NETO1: variants seen among roughly 807,000 people sequenced by gnomAD.
NETO1 encodes neuropilin and tolloid like 1, also known as neuropilin and tolloid-like protein 1.
NETO1 carries 26 observed loss-of-function variants against 61.3 expected under a neutral mutation model. That is an observed-to-expected ratio of 0.42 (90% confidence interval 0.31 to 0.59). NETO1 has a LOEUF of 0.59. Among genes scored for constraint, NETO1 ranks in the 20% least tolerant of loss-of-function variants. The probability of loss-of-function intolerance (pLI) is 0.12; values close to 1 mark genes in which losing one functional copy is unlikely to be tolerated. For synonymous variants in NETO1, 225 were observed against 225.8 expected (o/e 1.00, Z 0.03); for missense variants, 531 against 662.8 (o/e 0.80, Z 2.18).
At chr18:72,807,415 T>C (rs1360284135) in intron 4 of NETO1, among the ~76,000 whole-genome samples, 1 of 152,180 alleles carries the variant, frequency 6.6e-6, no homozygotes, top group Admixed American at 6.5e-5. Flanking sequence ...TTTGTTCCCT[T>C]ATTTTATTTA....
At chr18:72,742,783 T>A (rs574569483), downstream of NETO1, 1 of 152,240 alleles carries the variant, frequency 6.6e-6, no homozygotes, top group East Asian at 1.9e-4. Flanking sequence ...GTACAATAAA[T>A]AACAACAAAT....
chr18:72,813,694 A>C (rs552926172), intron 4 of NETO1, among the ~76,000 whole-genome samples: 1 of 152,302 alleles, frequency 6.6e-6, no homozygotes. Flanking sequence ...TAATAAGACT[A>C]TAAAGGATGC....
At chr18:72,791,058 T>C (rs562274889) in intron 6 of NETO1, among the ~76,000 whole-genome samples, 3 of 152,166 alleles carry the variant, frequency 2.0e-5, no homozygotes, top group Non-Finnish European at 4.4e-5. Flanking sequence ...TGACTCAGTT[T>C]ATTCATCTTT....
chr18:72,825,105 TGATGTTATAACATGATTAGCAA>T (rs1568230901), intron 4 of NETO1, among the ~76,000 whole-genome samples: 2 of 152,120 alleles, frequency 1.3e-5, no homozygotes, highest in African/African-American at 4.8e-5. Context: ...ATTTAGGATA[TGATGTTATAACATGATTAGCAA>T]GAGTTAGTCC....
chr18:72,760,716 T>A (rs571494961), intron 7 of NETO1, among the ~76,000 whole-genome samples: 33 of 152,266 alleles, frequency 2.2e-4, no homozygotes, highest in African/African-American at 7.9e-4. Context: ...ATGCACAGAA[T>A]GCCGTATAGT....
chr18:72,853,098 G>C (rs965832352), intron 4 of NETO1, among the ~76,000 whole-genome samples: 1 of 152,084 alleles, frequency 6.6e-6, no homozygotes, highest in Admixed American at 6.5e-5. Context: ...GCCTCCCAAA[G>C]TGCTGGGATT....
chr18:72,855,972 A>G (rs2145619113), intron 4 of NETO1, among the ~76,000 whole-genome samples: 1 of 152,344 alleles, frequency 6.6e-6, no homozygotes. Context: ...GTTTGCTTGC[A>G]GGAAGAAATG....
chr18:72,814,470 A>G (rs2072966510), intron 4 of NETO1, among the ~76,000 whole-genome samples: 1 of 152,074 alleles, frequency 6.6e-6, no homozygotes, highest in African/African-American at 2.4e-5. Context: ...AGAAACTAAA[A>G]AAGAAAAAAA....
chr18:72,770,405 T>C (rs1285782734), intron 7 of NETO1, among the ~76,000 whole-genome samples: 1 of 152,124 alleles, frequency 6.6e-6, no homozygotes, highest in African/African-American at 2.4e-5. Flanking sequence ...TATTTGAATA[T>C]GGTGATTTTT....
chr18:72,827,380 A>C lies in NETO1; in HGVS notation c.469+31446T>G, dbSNP rs529829490. Among the ~76,000 whole-genome samples the C allele has an allele frequency of 9.2e-5, 14 of 152,238 alleles. 1 individual carries two copies. The South Asian group carries it at 2.9e-3, about 32-fold the overall frequency. On this transcript the variant is annotated intron_variant, in intron 4 of 10. Transcript: ENST00000327305. ...GCAGAATGACCCTCCAGCCCCAAAC[A>C]ACCATATGGCCATACGTGGAGCCCC...
intron 7 of NETO1, among the ~76,000 whole-genome samples, chr18:72,780,787 GAAC>G (rs1195153568): frequency 1.3e-5 from 2 of 152,006 alleles, no homozygotes; most frequent in African/African-American, 4.8e-5. Flanking sequence ...ATCACATTTT[GAAC>G]AACAATAAAT....
intron 4 of NETO1, among the ~76,000 whole-genome samples, chr18:72,808,711 A>G (rs984922808): frequency 2.0e-5 from 3 of 152,232 alleles, no homozygotes; most frequent in African/African-American, 7.2e-5. Flanking sequence ...CTTCAAGACA[A>G]GACCTTTTGT....
At chr18:72,792,440 C>A (rs73469701) in intron 6 of NETO1, among the ~76,000 whole-genome samples, 1 of 151,748 alleles carries the variant, frequency 6.6e-6, no homozygotes, top group African/African-American at 2.4e-5. Flanking sequence ...AAATAAAAAA[C>A]AACAAAAACG....
chr18:72,770,426 T>TA (rs1268343533), intron 7 of NETO1, among the ~76,000 whole-genome samples: 2 of 152,114 alleles, frequency 1.3e-5, no homozygotes, highest in Non-Finnish European at 2.9e-5. Flanking sequence ...TTCTTATCAA[T>TA]AGTGTGCTTT....
At chr18:72,828,145 T>C (rs757942124) in intron 4 of NETO1, among the ~76,000 whole-genome samples, 24 of 152,146 alleles carry the variant, frequency 1.6e-4, no homozygotes, top group Non-Finnish European at 2.1e-4. Context: ...AAACCCCGTC[T>C]CTACTAAATA....
rs1476905861 is a variant in NETO1, at chr18:72,767,907, C to G, written c.869-11760G>C. Among the ~76,000 whole-genome samples, 3 of 152,188 alleles carry G rather than the reference C, an allele frequency of 2.0e-5. No individual in the cohort carries two copies. The East Asian group carries it at 5.8e-4, about 29-fold the overall frequency. On this transcript the variant is annotated intron_variant, in intron 7 of 10. Coordinates refer to ENST00000327305, the MANE Select transcript of NETO1 (RefSeq NM_138966.5). The stretch of plus-strand genomic sequence containing the variant: ...TATGTTGTTATCTCACTAACGGATA[C>G]AATACTAGCCACCTTCTGCTGACCA...
At position 72,827,299 on chromosome 18, in the gene NETO1, C is replaced by T. The variant is rs150323318; in HGVS notation, c.469+31527G>A. Among the ~76,000 whole-genome samples, 401 of 152,240 alleles carry T rather than the reference C, an allele frequency of 2.6e-3. 3 individuals carry two copies. Among genetic ancestry groups the T allele is most frequent in the African/African-American group, 9.4e-3 (391 of 41,530 alleles). ...CAATGAATCTGAGAAGCAAAACACA[C>T]ATGCTGCCCCTTCCGTAGTCTCTTT... On this transcript the variant is annotated intron_variant, in intron 4 of 10. Transcript: ENST00000327305.
intron 7 of NETO1, among the ~76,000 whole-genome samples, chr18:72,776,249 C>T (rs997560513): frequency 2.0e-5 from 3 of 152,074 alleles, no homozygotes; most frequent in Admixed American, 1.3e-4. Flanking sequence ...ATCGTAGAAA[C>T]TAATCCATTC....
intron 7 of NETO1, among the ~76,000 whole-genome samples, chr18:72,766,220 A>ATGTGTGTGTG (rs34670401): frequency 1.4e-5 from 2 of 144,676 alleles, no homozygotes; most frequent in African/African-American, 2.6e-5. Flanking sequence ...AAAAAAAAAT[A>ATGTGTGTGTG]TGTGTGTGTG....
Sources: gnomAD v4.1 joint callset for allele counts (sites outside exome capture counted in the v4.1 genomes callset) on GRCh38, gnomAD v4.1.1 for gene constraint, MANE v1.5 for transcripts, NCBI Gene and HGNC (gene_info 2026-07-23, HGNC 2026-07-21) for gene names.